The following FGF14 variants were observed in gnomAD, a reference collection of about 807,000 sequenced individuals.
FGF14 encodes fibroblast growth factor 14, also known as fibroblast growth factor homologous factor 4.
In FGF14, 5 loss-of-function variants were observed where a neutral mutation model predicts 25.5. The observed-to-expected ratio is 0.20, with a 90% CI of 0.10 to 0.41. The LOEUF (loss-of-function observed/expected upper bound fraction) is 0.41, where lower values mean the gene tolerates loss of function less well. Ranked by LOEUF, FGF14 falls within the 10% of genes least tolerant of loss-of-function variation. The pLI is 1.00. For synonymous variants in FGF14, 138 were observed against 118.3 expected (o/e 1.17, Z -1.08); for missense variants, 222 against 320.1 (o/e 0.69, Z 2.34).
At chr13:101,812,202 A>T (rs955761185) in intron 3 of FGF14, among the ~76,000 whole-genome samples, 1 of 152,150 alleles carries the variant, frequency 6.6e-6, no homozygotes, top group African/African-American at 2.4e-5. Flanking sequence ...TTATTTAAAG[A>T]TATTACAGGA....
chr13:102,317,397 A>AAT lies in FGF14; in HGVS notation c.208+84072_208+84073dup, dbSNP rs2056073184. Among the ~76,000 whole-genome samples, 6 of 152,190 alleles carry AAT rather than the reference A, an allele frequency of 3.9e-5. No homozygotes were observed. The South Asian group carries it at 1.0e-3, about 26-fold the overall frequency. ...AGATCCCCAAAAACAAGAGGAATTA[A>AAT]ATATATATATAGATATTATGAACCA... On this transcript the variant is annotated intron_variant, in intron 1 of 4. Coordinates refer to the FGF14 transcript ENST00000376131.
intron 1 of FGF14, among the ~76,000 whole-genome samples, chr13:102,129,871 G>A (rs1373883966): frequency 6.6e-6 from 1 of 152,054 alleles, no homozygotes; most frequent in Admixed American, 6.6e-5. Context: ...GTAAATTAAA[G>A]TTCTCCATTG....
chr13:102,186,805 A>T (rs2048894527), intron 1 of FGF14, among the ~76,000 whole-genome samples: 2 of 152,214 alleles, frequency 1.3e-5, no homozygotes, highest in Admixed American at 6.5e-5. Context: ...TGCAGTGCAC[A>T]TATAAAACAT....
At chr13:101,915,470 A>C (rs2033371130) in intron 1 of FGF14, among the ~76,000 whole-genome samples, 1 of 152,170 alleles carries the variant, frequency 6.6e-6, no homozygotes, top group Admixed American at 6.5e-5. Flanking sequence ...GGTTATGAAA[A>C]GCCAGCAATG....
intron 1 of FGF14, among the ~76,000 whole-genome samples, chr13:102,388,437 T>C (rs750046688): frequency 1.3e-5 from 2 of 152,166 alleles, no homozygotes; most frequent in Non-Finnish European, 2.9e-5. Flanking sequence ...CAACAAACCA[T>C]CTATGACTTC....
chr13:101,974,072 C>T (rs2037777809), intron 1 of FGF14, among the ~76,000 whole-genome samples: 1 of 152,186 alleles, frequency 6.6e-6, no homozygotes, highest in African/African-American at 2.4e-5. Context: ...ATAAATTATG[C>T]ATCCTATTTG....
intron 1 of FGF14, among the ~76,000 whole-genome samples, chr13:102,194,559 G>A (rs958534106): frequency 1.3e-5 from 2 of 151,962 alleles, no homozygotes. Flanking sequence ...CTAGTCTGTG[G>A]AATATAAAGA....
chr13:101,897,631 C>T (rs1218202503), intron 1 of FGF14, among the ~76,000 whole-genome samples: 2 of 152,102 alleles, frequency 1.3e-5, no homozygotes, highest in Non-Finnish European at 2.9e-5. Flanking sequence ...TTCAGGTAAG[C>T]TCATAGGTTT....
At chr13:101,828,838 T>C (rs930103629) in intron 3 of FGF14, among the ~76,000 whole-genome samples, 1 of 152,120 alleles carries the variant, frequency 6.6e-6, no homozygotes, top group Non-Finnish European at 1.5e-5. Flanking sequence ...TTTATTTTTA[T>C]ATATGTACTC....
chr13:101,979,653 G>A (rs1485060765), intron 1 of FGF14, among the ~76,000 whole-genome samples: 1 of 152,068 alleles, frequency 6.6e-6, no homozygotes, highest in Non-Finnish European at 1.5e-5. Flanking sequence ...GTAGAAAGAA[G>A]GTATTTTAAA....
chr13:102,057,893 T>C (rs2042506494), intron 1 of FGF14, among the ~76,000 whole-genome samples: 1 of 152,212 alleles, frequency 6.6e-6, no homozygotes, highest in African/African-American at 2.4e-5. Flanking sequence ...GTGCTGAATG[T>C]TGGGATCACT....
chr13:102,370,874 C>T (rs1372128832), intron 1 of FGF14, among the ~76,000 whole-genome samples: 1 of 151,512 alleles, frequency 6.6e-6, no homozygotes, highest in Non-Finnish European at 1.5e-5. Flanking sequence ...AAGGAAATAA[C>T]ACACATAGTT....
At chr13:102,126,152 A>G (rs1200011651) in intron 1 of FGF14, among the ~76,000 whole-genome samples, 3 of 148,198 alleles carry the variant, frequency 2.0e-5, no homozygotes, top group Non-Finnish European at 4.5e-5. Flanking sequence ...AACCATCACC[A>G]CTACTTTTTC....
intron 1 of FGF14, among the ~76,000 whole-genome samples, chr13:102,010,494 A>G (rs1204536779): frequency 6.6e-6 from 1 of 152,216 alleles, no homozygotes; most frequent in Admixed American, 6.5e-5. Context: ...CACTGAGAAA[A>G]AAAAGAAAGT....
chr13:102,024,381 T>C (rs2040821727), intron 1 of FGF14, among the ~76,000 whole-genome samples: 1 of 152,076 alleles, frequency 6.6e-6, no homozygotes, highest in Non-Finnish European at 1.5e-5. Flanking sequence ...CTAATGATGT[T>C]GAGCAGTTTT....
chr13:101,825,542 C>G (rs1397087377), intron 3 of FGF14, among the ~76,000 whole-genome samples: 7 of 152,090 alleles, frequency 4.6e-5, no homozygotes, highest in Non-Finnish European at 1.0e-4. Flanking sequence ...TGTGATACCT[C>G]CTATCTTACC....
chr13:102,365,836 AC>A (rs1244330280), intron 1 of FGF14, among the ~76,000 whole-genome samples: 1 of 152,130 alleles, frequency 6.6e-6, no homozygotes, highest in Non-Finnish European at 1.5e-5. Context: ...GTATATGTAG[AC>A]CTACAAAATT....
intron 3 of FGF14, among the ~76,000 whole-genome samples, chr13:101,797,384 T>A (rs2040588128): frequency 6.6e-6 from 1 of 152,076 alleles, no homozygotes; most frequent in African/African-American, 2.4e-5. Context: ...TTGTCACATG[T>A]AATTGTGCGT....
At chr13:101,980,711 G>A (rs1209788973) in intron 1 of FGF14, among the ~76,000 whole-genome samples, 1 of 152,130 alleles carries the variant, frequency 6.6e-6, no homozygotes, top group African/African-American at 2.4e-5. Context: ...CATCAGGGAG[G>A]GTTAACACAT....
Sources: gnomAD v4.1 joint callset for allele counts (sites outside exome capture counted in the v4.1 genomes callset) on GRCh38, gnomAD v4.1.1 for gene constraint, MANE v1.5 for transcripts, NCBI Gene and HGNC (gene_info 2026-07-23, HGNC 2026-07-21) for gene names.